SLC18A1: variants seen among roughly 807,000 people sequenced by gnomAD.
SLC18A1 encodes solute carrier family 18 member A1, also known as chromaffin granule amine transporter.
Under a neutral mutation model 53.7 loss-of-function variants are expected in SLC18A1, and 69 were observed. The observed-to-expected ratio is 1.28, with a 90% CI of 1.06 to 1.57. SLC18A1 has a LOEUF of 1.57. Among genes scored for constraint, SLC18A1 ranks in the 40% most tolerant of loss-of-function variants. SLC18A1 has a pLI of 0.00. For missense variants in SLC18A1, 932 were observed against 668.1 expected (o/e 1.40, Z -4.35); for synonymous variants, 320 against 248.1 (o/e 1.29, Z -2.72).
At chr8:20,161,370 A>C (rs568963584) in intron 10 of SLC18A1, among the ~76,000 whole-genome samples, 1 of 152,296 alleles carries the variant, frequency 6.6e-6, no homozygotes, top group East Asian at 1.9e-4. Flanking sequence ...TAAAAATAAC[A>C]GTACAAGATA....
chr8:20,156,565 T>C (rs1022381854), intron 10 of SLC18A1, among the ~76,000 whole-genome samples: 2 of 152,136 alleles, frequency 1.3e-5, no homozygotes, highest in Non-Finnish European at 1.5e-5. Flanking sequence ...TAATAATTGG[T>C]CTGCTCAAAG....
chr8:20,154,696 A>G (rs547921193), intron 10 of SLC18A1, among the ~76,000 whole-genome samples: 1 of 152,342 alleles, frequency 6.6e-6, no homozygotes, highest in African/African-American at 2.4e-5. Context: ...GATTTGAAAG[A>G]GCACTGGGAA....
At chr8:20,182,693 T>C (rs1226855637) in intron 1 of SLC18A1, among the ~76,000 whole-genome samples, 1 of 152,228 alleles carries the variant, frequency 6.6e-6, no homozygotes, top group Non-Finnish European at 1.5e-5. Context: ...ACCCTCTCAC[T>C]ACTACATATT....
Position 20,179,104 on chromosome 8 carries a change from TGC to T in SLC18A1, c.488+15_488+16del. 1.2e-5 allele frequency: 19 copies of T among 1,602,112 alleles called. No homozygotes were observed. The highest frequency in any genetic ancestry group is 1.6e-5 in the Non-Finnish European group (19 of 1,173,160). ...TACTCCTGTGTACCCTGCGGGGCAC[TGC>T]ACCCAGTGAGATACCTGTTGGTGAG... On this transcript the variant is annotated intron_variant, in intron 3 of 15. Transcript: ENST00000276373.
At chr8:20,182,722 A>G (rs2072460412) in intron 1 of SLC18A1, among the ~76,000 whole-genome samples, 1 of 152,246 alleles carries the variant, frequency 6.6e-6, no homozygotes, top group African/African-American at 2.4e-5. Context: ...CAAGGTCCTA[A>G]GTGAACCAAA....
chr8:20,172,610 T>C (rs972655638), intron 6 of SLC18A1, among the ~76,000 whole-genome samples: 1 of 152,164 alleles, frequency 6.6e-6, no homozygotes, highest in South Asian at 2.1e-4. Context: ...TTCCTAGCTG[T>C]GTGATGTTGG....
rs2128881299 is a variant in SLC18A1, at chr8:20,181,011, A to T, written c.-47T>A. ...GTCTTCCCCTGCGGGCTCTTAGGGA[A>T]GGTCCTGTGACAGCTACAGGTCTCC... On this transcript the variant is annotated 5_prime_UTR_variant, in exon 2 of 16. Transcript: ENST00000276373. 1 of 1,542,252 alleles carries T rather than the reference A, an allele frequency of 6.5e-7. No individual in the cohort carries two copies. The highest frequency in any genetic ancestry group is 2.0e-5 in the Admixed American group (1 of 50,756).
intron 2 of SLC18A1, among the ~76,000 whole-genome samples, chr8:20,180,500 C>A (rs921369249): frequency 6.6e-6 from 1 of 152,186 alleles, no homozygotes; most frequent in African/African-American, 2.4e-5. Flanking sequence ...GTGAGAAGAT[C>A]TCGCTGCCTC....
intron 3 of SLC18A1, among the ~76,000 whole-genome samples, chr8:20,178,744 A>G (rs888969278): frequency 2.0e-5 from 3 of 152,178 alleles, no homozygotes; most frequent in African/African-American, 7.2e-5. Flanking sequence ...TGGAGTGTAT[A>G]TCTCTTGAAA....
intron 8 of SLC18A1, among the ~76,000 whole-genome samples, chr8:20,167,466 G>A (rs2071997040): frequency 6.6e-6 from 1 of 152,008 alleles, no homozygotes. Context: ...TATGGAATGG[G>A]GCAAGCAGGG....
intron 10 of SLC18A1, among the ~76,000 whole-genome samples, chr8:20,156,671 A>G (rs930798517): frequency 1.4e-4 from 22 of 152,208 alleles, no homozygotes; most frequent in African/African-American, 5.1e-4. Flanking sequence ...GGAAAAAGGC[A>G]CACAGGATAA....
chr8:20,150,435 A>T (rs922742166), intron 11 of SLC18A1, among the ~76,000 whole-genome samples: 1 of 152,170 alleles, frequency 6.6e-6, no homozygotes, highest in Admixed American at 6.5e-5. Flanking sequence ...GGTGCCCCTC[A>T]TGTATCCACT....
At chr8:20,157,806 C>T (rs949682363) in intron 10 of SLC18A1, among the ~76,000 whole-genome samples, 4 of 152,044 alleles carry the variant, frequency 2.6e-5, no homozygotes, top group Non-Finnish European at 4.4e-5. Context: ...ATGGGACGAA[C>T]GGGAGAAAAA....
chr8:20,165,385 C>T (rs2071931604), intron 8 of SLC18A1, among the ~76,000 whole-genome samples: 1 of 152,044 alleles, frequency 6.6e-6, no homozygotes, highest in Admixed American at 6.5e-5. Context: ...TTCACGTGAC[C>T]ATCAACAAGG....
intron 10 of SLC18A1, among the ~76,000 whole-genome samples, chr8:20,153,130 G>C (rs2071600135): frequency 6.6e-6 from 1 of 152,110 alleles, no homozygotes; most frequent in South Asian, 2.1e-4. Flanking sequence ...ACATAACTAG[G>C]GGCTTAGAGA....
intron 4 of SLC18A1, among the ~76,000 whole-genome samples, chr8:20,177,147 A>C (rs1370399237): frequency 1.3e-5 from 2 of 152,260 alleles, no homozygotes; most frequent in African/African-American, 4.8e-5. Context: ...CTGAACTGCT[A>C]GAAGTTCCAT....
intron 11 of SLC18A1, among the ~76,000 whole-genome samples, chr8:20,150,404 G>A (rs967432352): frequency 1.3e-5 from 2 of 152,290 alleles, no homozygotes; most frequent in South Asian, 4.1e-4. Flanking sequence ...CAACTGGACA[G>A]CAAATGGATG....
chr8:20,173,003 C>G (rs549378821), intron 6 of SLC18A1, 33 bp downstream of exon 6: 1 of 1,435,478 alleles, frequency 7.0e-7, no homozygotes, highest in East Asian at 2.4e-5. Flanking sequence ...GTCCCACCCT[C>G]CCGAACCCAG....
rs563161788 is a variant in SLC18A1 at position 20,161,500 on chromosome 8, T to A, written c.1015+3369A>T. ...AGTACATGGAAGTACGTGTGTAGAT[T>A]ATATGCAAATACGATGCCATTCTAT... On this transcript the variant is annotated intron_variant, in intron 10 of 15. Transcript: ENST00000276373. 2.6e-5 allele frequency among the ~76,000 whole-genome samples: 4 copies of A among 151,706 alleles called. No individual in the cohort carries two copies. The East Asian group carries it at 5.8e-4, about 22-fold the overall frequency.
Sources: gnomAD v4.1 joint callset for allele counts (sites outside exome capture counted in the v4.1 genomes callset) on GRCh38, gnomAD v4.1.1 for gene constraint, MANE v1.5 for transcripts, NCBI Gene and HGNC (gene_info 2026-07-23, HGNC 2026-07-21) for gene names.